FSTL1: variants seen among roughly 807,000 people sequenced by gnomAD.
FSTL1 encodes the protein follistatin like 1, also known as follistatin-related protein 1.
Under a neutral mutation model 45.9 loss-of-function variants are expected in FSTL1, and 24 were observed. The ratio of observed to expected loss-of-function variants is 0.52; its 90% CI spans 0.38 to 0.74. The LOEUF (loss-of-function observed/expected upper bound fraction) is 0.74. Among genes scored for constraint, FSTL1 ranks in the 30% least tolerant of loss-of-function variants. The pLI, the probability that FSTL1 is intolerant of heterozygous loss-of-function variation, is 0.00. For synonymous variants in FSTL1, 120 were observed against 137.6 expected (o/e 0.87, Z 0.89); for missense variants, 340 against 381.8 (o/e 0.89, Z 0.91).
At chr3:120,421,494 G>C (rs1049009750) in intron 2 of FSTL1, 1 of 152,526 alleles carries the variant, frequency 6.6e-6, no homozygotes, top group Non-Finnish European at 1.5e-5. Context: ...GCAGTGGGGC[G>C]TATGGGGTGA....
chr3:120,402,622 T>A (rs755021641), intron 9 of FSTL1, among the ~76,000 whole-genome samples, 186 bp downstream of exon 9: 5 of 152,132 alleles, frequency 3.3e-5, no homozygotes, highest in Non-Finnish European at 7.4e-5. Context: ...TGAATGCCTA[T>A]GGGATAAATG....
At chr3:120,410,565 C>A in intron 5 of FSTL1, 1 of 347,004 alleles carries the variant, frequency 2.9e-6, no homozygotes, top group Non-Finnish European at 5.7e-6. Context: ...AATAGAAAAC[C>A]ACAGAAGTCT....
chr3:120,414,352 C>T (rs2107657040), intron 3 of FSTL1, among the ~76,000 whole-genome samples: 1 of 151,886 alleles, frequency 6.6e-6, no homozygotes, highest in Admixed American at 6.5e-5. Context: ...CTCTTCCCGG[C>T]CGCCATCACA....
At chr3:120,426,673 A>C (rs943099694) in intron 2 of FSTL1, among the ~76,000 whole-genome samples, 5 of 150,796 alleles carry the variant, frequency 3.3e-5, no homozygotes, top group Non-Finnish European at 5.9e-5. Context: ...TTCCCCCTAA[A>C]CCTGCAAGCC....
At chr3:120,448,855 G>A (rs1208203368) in intron 2 of FSTL1, among the ~76,000 whole-genome samples, 1 of 152,154 alleles carries the variant, frequency 6.6e-6, no homozygotes, top group Non-Finnish European at 1.5e-5. Flanking sequence ...TCCAGACCTT[G>A]GGCCACACAG....
intron 9 of FSTL1, among the ~76,000 whole-genome samples, chr3:120,401,830 C>T (rs1936833119): frequency 6.6e-6 from 1 of 152,162 alleles, no homozygotes; most frequent in African/African-American, 2.4e-5. Flanking sequence ...CTTTGGCCTC[C>T]CCAAGTGTTG....
At chr3:120,412,816 A>ATG (rs10560457) in intron 3 of FSTL1, among the ~76,000 whole-genome samples, 9 of 129,292 alleles carry the variant, frequency 7.0e-5, no homozygotes, top group East Asian at 3.4e-4. Flanking sequence ...ACACACACAC[A>ATG]TGTGCGCGCG....
At position 120,427,172 on chromosome 3, in the gene FSTL1, CT is replaced by C. The variant is rs537181364; in HGVS notation, c.64-11146del. On this transcript the variant is annotated intron_variant, in intron 2 of 10. Coordinates refer to ENST00000295633, the MANE Select transcript of FSTL1 (RefSeq NM_007085.5). ...ATTTGTTGTCTGGCTTGCCCAAATT[CT>C]CCCTGTCCTTCAAGGCTTGGGTCAA... Among the ~76,000 whole-genome samples, 99 of 152,338 alleles carry C rather than the reference CT, an allele frequency of 6.5e-4. 1 individual carries two copies. The highest frequency in any genetic ancestry group is 2.4e-3 in the African/African-American group (98 of 41,576).
At chr3:120,439,920 CA>C (rs748830210) in intron 2 of FSTL1, among the ~76,000 whole-genome samples, 2 of 152,150 alleles carry the variant, frequency 1.3e-5, no homozygotes, top group Non-Finnish European at 2.9e-5. Context: ...TAGAGACCAG[CA>C]TGGGCAACAA....
intron 3 of FSTL1, among the ~76,000 whole-genome samples, chr3:120,412,667 T>G (rs1319951562): frequency 6.6e-6 from 1 of 152,146 alleles, no homozygotes; most frequent in Admixed American, 6.5e-5. Flanking sequence ...AGCCAGAAAT[T>G]TGAATTCTCT....
chr3:120,447,158 C>T (rs972806330), intron 2 of FSTL1, among the ~76,000 whole-genome samples: 3 of 152,142 alleles, frequency 2.0e-5, no homozygotes, highest in Admixed American at 6.5e-5. Context: ...GCTTCAAGGG[C>T]ACACACACTA....
At chr3:120,398,025 T>C (rs901998260) in intron 10 of FSTL1, among the ~76,000 whole-genome samples, 1 of 152,170 alleles carries the variant, frequency 6.6e-6, no homozygotes, top group African/African-American at 2.4e-5. Context: ...ATGATACCAC[T>C]GTAATATGTC....
chr3:120,412,052 TACATGCACACACACAC>T, intron 3 of FSTL1, 69 bp from the exon 4 acceptor site: 1 of 950,422 alleles, frequency 1.1e-6, no homozygotes, highest in Non-Finnish European at 1.6e-6. Flanking sequence ...CACACACACA[TACATGCACACACACAC>T]ACAGAGCCAT....
At chr3:120,425,610 G>C (rs1482700645) in intron 2 of FSTL1, among the ~76,000 whole-genome samples, 3 of 152,198 alleles carry the variant, frequency 2.0e-5, no homozygotes, top group African/African-American at 7.2e-5. Flanking sequence ...CCCTTAAGCT[G>C]TAAGAATTCT....
chr3:120,392,834 C>G lies in FSTL1; in HGVS notation c.*4118G>C, dbSNP rs184083433. On this transcript the variant is annotated 3_prime_UTR_variant, in exon 11 of 11. Coordinates refer to ENST00000295633, the MANE Select transcript of FSTL1 (RefSeq NM_007085.5). ...ATATTTTTTCCCTTCCTTCCTTCCCCTTATTTCAGAAATAATTCAAGAGGA... is the reference window on the plus strand; with the variant it reads ...ATATTTTTTCCCTTCCTTCCTTCCCGTTATTTCAGAAATAATTCAAGAGGA... The G allele has an allele frequency of 1.3e-5, 2 of 151,968 alleles. No homozygotes were observed. The highest frequency in any genetic ancestry group is 2.9e-5 in the Non-Finnish European group (2 of 68,038). The allele number at this position is 151,968 out of a possible 1,614,324, so 9.4% of individuals were successfully genotyped here.
intron 9 of FSTL1, among the ~76,000 whole-genome samples, chr3:120,402,091 C>T (rs568700154): frequency 2.6e-5 from 4 of 152,308 alleles, no homozygotes; most frequent in South Asian, 4.1e-4. Context: ...GTGGTTCCAA[C>T]ATACCCTGTA....
intron 5 of FSTL1, chr3:120,410,536 T>C (rs2107654527): frequency 3.0e-6 from 1 of 333,170 alleles, no homozygotes; most frequent in East Asian, 7.6e-5. Flanking sequence ...TAAATCATGA[T>C]AAAATTTTAG....
At chr3:120,449,136 C>T (rs1004405483) in intron 2 of FSTL1, among the ~76,000 whole-genome samples, 2 of 152,204 alleles carry the variant, frequency 1.3e-5, no homozygotes, top group African/African-American at 4.8e-5. Flanking sequence ...ACCTGGAGTT[C>T]AAGATGGGCT....
intron 2 of FSTL1, among the ~76,000 whole-genome samples, chr3:120,427,062 G>A (rs1421308816): frequency 2.6e-5 from 4 of 152,278 alleles, no homozygotes; most frequent in African/African-American, 9.6e-5. Flanking sequence ...ATGAGGAATT[G>A]TCAGATGCTT....
Sources: gnomAD v4.1 joint callset for allele counts (sites outside exome capture counted in the v4.1 genomes callset) on GRCh38, gnomAD v4.1.1 for gene constraint, MANE v1.5 for transcripts, NCBI Gene and HGNC (gene_info 2026-07-23, HGNC 2026-07-21) for gene names.